The following HHLA2 variants were observed in gnomAD, a reference collection of about 807,000 sequenced individuals.
HHLA2 encodes the protein HERV-H LTR-associating protein 2.
HHLA2 carries 48 observed loss-of-function variants against 45.9 expected under a neutral mutation model. The observed-to-expected ratio is 1.05, with a 90% CI of 0.83 to 1.33. HHLA2 has a LOEUF of 1.33. HHLA2 is among the 40% of genes most tolerant of loss of function. The pLI is 0.00. For synonymous variants in HHLA2, 161 were observed against 173.9 expected (o/e 0.93, Z 0.59); for missense variants, 462 against 494.3 (o/e 0.93, Z 0.62).
At chr3:108,373,719 C>A (rs2082221514) in intron 8 of HHLA2, among the ~76,000 whole-genome samples, 1 of 149,966 alleles carries the variant, frequency 6.7e-6, no homozygotes, top group Admixed American at 6.7e-5. Context: ...GAGTGAACTC[C>A]CATTCACAAT....
intron 3 of HHLA2, among the ~76,000 whole-genome samples, chr3:108,330,489 T>C (rs1405588388): frequency 1.3e-5 from 2 of 152,202 alleles, no homozygotes; most frequent in Non-Finnish European, 2.9e-5. Context: ...GCAATAGCAA[T>C]AGATTTTTGA....
At chr3:108,364,264 A>G (rs1280682939) in intron 8 of HHLA2, among the ~76,000 whole-genome samples, 2 of 152,022 alleles carry the variant, frequency 1.3e-5, no homozygotes, top group East Asian at 3.9e-4. Context: ...TGTCCTTGTG[A>G]TAGTTTGCTG....
intron 1 of HHLA2, among the ~76,000 whole-genome samples, chr3:108,296,851 C>G (rs1474686079): frequency 6.6e-6 from 1 of 152,152 alleles, no homozygotes; most frequent in African/African-American, 2.4e-5. Flanking sequence ...GAGGAAAATA[C>G]CTAACATTCT....
At chr3:108,299,375 G>T (rs956307016) in intron 1 of HHLA2, among the ~76,000 whole-genome samples, 1 of 148,828 alleles carries the variant, frequency 6.7e-6, no homozygotes, top group Non-Finnish European at 1.5e-5. Flanking sequence ...ATATATAAAT[G>T]TTATATAAAT....
intron 2 of HHLA2, among the ~76,000 whole-genome samples, chr3:108,312,107 G>A (rs892192131): frequency 1.3e-5 from 2 of 152,114 alleles, no homozygotes; most frequent in African/African-American, 4.8e-5. Context: ...TTCCTGAGGT[G>A]TCCTGCCAGA....
At chr3:108,318,155 T>C (rs1380492848) in intron 2 of HHLA2, among the ~76,000 whole-genome samples, 2 of 148,488 alleles carry the variant, frequency 1.3e-5, no homozygotes, top group East Asian at 2.0e-4. Context: ...CACTCCAGCC[T>C]GGGTGACAGA....
intron 3 of HHLA2, among the ~76,000 whole-genome samples, chr3:108,337,917 G>T (rs28465314): frequency 0.015 from 2,351 of 152,064 alleles, 64 homozygotes; most frequent in African/African-American, 0.054. Context: ...TGATACAAAA[G>T]GTCTTGCAAT....
intron 4 of HHLA2, 31 bp downstream of exon 3, chr3:108,351,908 A>G (rs755535363): frequency 6.9e-7 from 1 of 1,439,180 alleles, no homozygotes; most frequent in Non-Finnish European, 9.8e-7. Flanking sequence ...AGTGTTAGTT[A>G]TTTGCATTAT....
At chr3:108,326,007 A>C in intron 2 of HHLA2, 1 of 315,550 alleles carries the variant, frequency 3.2e-6, no homozygotes, top group South Asian at 3.5e-5. Flanking sequence ...AAAGTTATGA[A>C]AGCAAAGCCC....
At chr3:108,304,208 GAAGA>G (rs1427230184) in intron 1 of HHLA2, among the ~76,000 whole-genome samples, 6 of 152,120 alleles carry the variant, frequency 3.9e-5, no homozygotes, top group African/African-American at 1.4e-4. Context: ...AAGAAAGAAA[GAAGA>G]AAGATTTCTC....
chr3:108,364,182 C>G (rs1372011839), intron 8 of HHLA2, among the ~76,000 whole-genome samples: 1 of 152,098 alleles, frequency 6.6e-6, no homozygotes, highest in African/African-American at 2.4e-5. Flanking sequence ...TGTGATGTTC[C>G]CCGCCCTGTG....
chr3:108,337,863 A>G (rs2081500747), intron 3 of HHLA2, among the ~76,000 whole-genome samples: 1 of 152,126 alleles, frequency 6.6e-6, no homozygotes, highest in South Asian at 2.1e-4. Context: ...CTTCTTGCTT[A>G]TGTCCTAAAC....
intron 2 of HHLA2, among the ~76,000 whole-genome samples, chr3:108,324,165 T>TA (rs1269351158): frequency 2.6e-5 from 4 of 152,324 alleles, no homozygotes; most frequent in African/African-American, 9.6e-5. Context: ...AGCATACAGA[T>TA]AAAAATTAGC....
chr3:108,373,264 G>C (rs2082212118), intron 8 of HHLA2, among the ~76,000 whole-genome samples: 1 of 152,098 alleles, frequency 6.6e-6, no homozygotes. Context: ...AAAGGCCTTT[G>C]ACACAATTCA....
chr3:108,361,803 CT>C (rs1449772482), intron 7 of HHLA2, among the ~76,000 whole-genome samples: 2 of 152,064 alleles, frequency 1.3e-5, no homozygotes, highest in African/African-American at 4.8e-5. Context: ...TACTCATCTC[CT>C]TTTATCACCT....
At chr3:108,331,650 C>T (rs2081387499) in intron 3 of HHLA2, among the ~76,000 whole-genome samples, 1 of 152,068 alleles carries the variant, frequency 6.6e-6, no homozygotes, top group African/African-American at 2.4e-5. Context: ...GATCCTTGGA[C>T]TTGTAGTATA....
At chr3:108,370,490 G>T (rs538565434) in intron 8 of HHLA2, among the ~76,000 whole-genome samples, 7 of 152,266 alleles carry the variant, frequency 4.6e-5, no homozygotes, top group African/African-American at 1.4e-4. Flanking sequence ...TGACTTTGAC[G>T]AGTTGAGAGA....
At chr3:108,329,639 C>T (rs1195298341) in intron 3 of HHLA2, among the ~76,000 whole-genome samples, 2 of 152,062 alleles carry the variant, frequency 1.3e-5, no homozygotes, top group African/African-American at 4.8e-5. Context: ...TGACTGGGTC[C>T]GGTCCAGAGG....
intron 2 of HHLA2, chr3:108,311,885 GC>G (rs1576101165): frequency 6.6e-6 from 1 of 152,332 alleles, no homozygotes. Flanking sequence ...ATGTACTGCA[GC>G]GGTGTGTCAG....
Sources: gnomAD v4.1 joint callset for allele counts (sites outside exome capture counted in the v4.1 genomes callset) on GRCh38, gnomAD v4.1.1 for gene constraint, MANE v1.5 for transcripts, NCBI Gene and HGNC (gene_info 2026-07-23, HGNC 2026-07-21) for gene names.